LAD1: variants seen among roughly 807,000 people sequenced by gnomAD.
LAD1 encodes ladinin-1.
Under a neutral mutation model 54.2 loss-of-function variants are expected in LAD1, and 53 were observed. The observed-to-expected ratio is 0.98, with a 90% CI of 0.78 to 1.23. LAD1 has a LOEUF of 1.23. Ranked by LOEUF, LAD1 falls within the 50% of genes most tolerant of loss-of-function variation. The pLI is 0.00. For synonymous variants in LAD1, 231 were observed against 257.7 expected, an observed-to-expected ratio of 0.90 and a Z score of 0.99; for missense variants, 637 against 653.3, an observed-to-expected ratio of 0.98 and a Z score of 0.27.
intron 1 of LAD1, among the ~76,000 whole-genome samples, chr1:201,395,627 G>A (rs1041206793): frequency 6.6e-6 from 1 of 152,044 alleles, no homozygotes; most frequent in Admixed American, 6.6e-5. Context: ...CCGTGGTGGC[G>A]GGCGCCTGTA....
intron 1 of LAD1, among the ~76,000 whole-genome samples, chr1:201,390,268 G>A (rs542869884): frequency 6.5e-4 from 98 of 151,544 alleles, no homozygotes; most frequent in African/African-American, 1.0e-3. Context: ...ATTTTAGGCC[G>A]GGCGCGGTGG....
chr1:201,398,449 G>A (rs751548248), intron 1 of LAD1, among the ~76,000 whole-genome samples: 1 of 152,190 alleles, frequency 6.6e-6, no homozygotes, highest in African/African-American at 2.4e-5. Flanking sequence ...GATGGGGGAC[G>A]GGGGCGCCCA....
chr1:201,386,616 G>C lies in LAD1; in HGVS notation c.745C>G (p.Leu249Val). 6.2e-7 allele frequency: 1 copy of C among 1,614,178 alleles called. No individual in the cohort carries two copies. The change falls in exon 3 of 10, where the codon CTG (leucine) becomes GTG (valine). Residue 249 changes from leucine to valine, a missense_variant. Coordinates refer to ENST00000391967, the MANE Select transcript of LAD1 (RefSeq NM_005558.4). ...GACACCAGCCTCCTTCCTGAGCCCA[G>C]TGCCATCCCTGGGGCCAGCGACTTC... ...SEKSLAPGMA[L>V]GSGRRLVSEK...
chr1:201,399,202 C>G, intron 1 of LAD1, 67 bp downstream of exon 1: 1 of 1,319,090 alleles, frequency 7.6e-7, no homozygotes, highest in Non-Finnish European at 1.1e-6. Context: ...GGCCGGTGCC[C>G]CGAGGAGAGG....
rs754985980 is a variant in LAD1 at position 201,381,877 on chromosome 1, G to A, written c.*11C>T. The A allele has an allele frequency of 1.2e-6, 2 of 1,614,008 alleles. No individual in the cohort carries two copies. Among genetic ancestry groups the A allele is most frequent in the South Asian group, 2.2e-5 (2 of 91,078 alleles). ...AGACGAAGACTTGCAGGTCTGTCTT[G>A]GCGGGGCTTGTCACACCTGTGGGGC... On this transcript the variant is annotated 3_prime_UTR_variant, in exon 10 of 10. Coordinates refer to ENST00000391967, the MANE Select transcript of LAD1 (RefSeq NM_005558.4).
At chr1:201,392,839 C>T (rs547963638) in intron 1 of LAD1, among the ~76,000 whole-genome samples, 12 of 150,904 alleles carry the variant, frequency 8.0e-5, no homozygotes, top group Middle Eastern at 3.5e-3. Flanking sequence ...ACAGAGGACC[C>T]GTCAGAAGGC....
chr1:201,396,434 G>C (rs1445080829), intron 1 of LAD1, among the ~76,000 whole-genome samples: 2 of 152,196 alleles, frequency 1.3e-5, no homozygotes, highest in Non-Finnish European at 2.9e-5. Context: ...CTTTCTTCCT[G>C]AAGTCTAACT....
rs1331468269 is a variant in LAD1 at position 201,386,926 on chromosome 1, T to A, written c.435A>T (p.Arg145Ser). 6.2e-7 allele frequency: 1 copy of A among 1,612,904 alleles called. No individual in the cohort carries two copies. The highest frequency in any genetic ancestry group is 1.3e-5 in the African/African-American group (1 of 74,716). ...AGGGGCCCCGCTGTTCCCGACTCAG[T>A]CTCCGGCGAGGTGGGATTTCCAGTT... ...KKELEIPPRRRLSREQRGPWA... is the reference protein window; with the variant it reads ...KKELEIPPRRSLSREQRGPWA... The change falls in exon 3 of 10, where the codon AGA (arginine) becomes AGT (serine). Residue 145 changes from arginine (R) to serine (S), a missense_variant. Physicochemically the swap from Arg to Ser is moderately radical, Grantham distance 110. Transcript: ENST00000391967.
At chr1:201,388,423 G>A (rs924247616) in intron 2 of LAD1, among the ~76,000 whole-genome samples, 2 of 150,382 alleles carry the variant, frequency 1.3e-5, no homozygotes, top group African/African-American at 2.5e-5. Context: ...GGTGGCTCAT[G>A]CCTGTATTCC....
At chr1:201,395,811 C>T (rs760431343) in intron 1 of LAD1, among the ~76,000 whole-genome samples, 2 of 152,120 alleles carry the variant, frequency 1.3e-5, no homozygotes, top group Admixed American at 6.5e-5. Context: ...TTCCCACGAT[C>T]GCACAGCTAA....
chr1:201,382,134 C>T (rs576755416), intron 9 of LAD1, 118 bp downstream of exon 9: 84 of 928,880 alleles, frequency 9.0e-5, no homozygotes, highest in Non-Finnish European at 1.2e-4. Flanking sequence ...GGGATGGGGG[C>T]GTTCTGGGTG....
intron 1 of LAD1, among the ~76,000 whole-genome samples, chr1:201,391,590 T>G (rs1443575684): frequency 1.3e-5 from 2 of 152,186 alleles, no homozygotes; most frequent in African/African-American, 4.8e-5. Flanking sequence ...AAAAGAGAAG[T>G]GTGTCCACCA....
chr1:201,385,125 C>T (rs892735297), intron 4 of LAD1, among the ~76,000 whole-genome samples: 2 of 152,194 alleles, frequency 1.3e-5, no homozygotes, highest in Non-Finnish European at 2.9e-5. Flanking sequence ...CTCCCACTGC[C>T]CATGAGCTCT....
At chr1:201,383,875 G>A (rs779321627) in intron 5 of LAD1, among the ~76,000 whole-genome samples, 1 of 152,144 alleles carries the variant, frequency 6.6e-6, no homozygotes, top group Non-Finnish European at 1.5e-5. Flanking sequence ...CCAGCCAGCT[G>A]GACACCATGC....
intron 1 of LAD1, among the ~76,000 whole-genome samples, chr1:201,389,588 G>A (rs562740980): frequency 6.6e-4 from 100 of 152,144 alleles, no homozygotes; most frequent in African/African-American, 2.1e-3. Flanking sequence ...TGAGACACGC[G>A]GATTGCCTGA....
In LAD1 at chr1:201,386,447, G is replaced by A. The variant is rs574428851; in HGVS notation, c.914C>T (p.Thr305Ile). The change falls in exon 3 of 10, where the codon ACC (threonine) becomes ATC (isoleucine). Residue 305 changes from threonine to isoleucine, a missense_variant. Physicochemically the swap from Thr to Ile is moderately conservative, Grantham distance 89 (BLOSUM62 -1). Transcript: ENST00000391967. ...GAGGGCCCTTCCTCTCTGCTCCTTG[G>A]TGGTGGCTGGGCTTCCCCCAGAGGC... Reference protein sequence around the residue: ...PPASGGSPATTKEQRGRALPG... With the variant: ...PPASGGSPATIKEQRGRALPG... 27 of 1,543,454 alleles carry A rather than the reference G, an allele frequency of 1.7e-5. No individual in the cohort carries two copies. In the East Asian group the frequency reaches 3.8e-4, roughly 22 times the overall value.
At chr1:201,384,641 C>T in intron 5 of LAD1, 151 bp downstream of exon 5, 1 of 755,312 alleles carries the variant, frequency 1.3e-6, no homozygotes, top group East Asian at 2.5e-5. Flanking sequence ...TAATCCCATC[C>T]CCCTGCCAGA....
intron 7 of LAD1, 157 bp downstream of exon 7, chr1:201,382,917 A>T: frequency 9.5e-7 from 1 of 1,050,204 alleles, no homozygotes; most frequent in Admixed American, 2.1e-5. Context: ...AGCTAAGGAG[A>T]TGGGCTCAGG....
At chr1:201,392,116 T>C (rs1288393449) in intron 1 of LAD1, among the ~76,000 whole-genome samples, 1 of 152,240 alleles carries the variant, frequency 6.6e-6, no homozygotes, top group Non-Finnish European at 1.5e-5. Context: ...TGGTTTCTAG[T>C]CCTCCTGCCC....
Sources: gnomAD v4.1 joint callset for allele counts (sites outside exome capture counted in the v4.1 genomes callset) on GRCh38, gnomAD v4.1.1 for gene constraint, MANE v1.5 for transcripts, NCBI Gene and HGNC (gene_info 2026-07-23, HGNC 2026-07-21) for gene names.